Variants in DCDC1 observed in about 807,000 individuals in gnomAD.
The protein encoded by DCDC1 is doublecortin domain-containing protein 1.
A neutral mutation model predicts 178.3 loss-of-function variants in DCDC1; 200 were observed. The ratio of observed to expected loss-of-function variants is 1.12; its 90% CI spans 1.00 to 1.26. DCDC1 has a LOEUF of 1.26. Among genes scored for constraint, DCDC1 ranks in the 50% most tolerant of loss-of-function variants. DCDC1 has a pLI of 0.00. For missense variants in DCDC1, 1,983 were observed against 1,749.2 expected, an observed-to-expected ratio of 1.13 and a Z score of -2.38; for synonymous variants, 690 against 604.8, an observed-to-expected ratio of 1.14 and a Z score of -2.07.
At chr11:31,015,091 C>A (rs1327945413) in intron 20 of DCDC1, among the ~76,000 whole-genome samples, 1 of 151,898 alleles carries the variant, frequency 6.6e-6, no homozygotes. Flanking sequence ...GGACTACAGG[C>A]GCCTGCCACC....
intron 9 of DCDC1, among the ~76,000 whole-genome samples, chr11:31,144,599 G>A (rs908184442): frequency 3.3e-5 from 5 of 152,142 alleles, no homozygotes; most frequent in Non-Finnish European, 7.4e-5. Flanking sequence ...TTTTTTGACC[G>A]TTTGGTAAGT....
At chr11:31,086,712 C>T (rs1957500960) in intron 17 of DCDC1, among the ~76,000 whole-genome samples, 1 of 152,108 alleles carries the variant, frequency 6.6e-6, no homozygotes, top group South Asian at 2.1e-4. Context: ...TCATTTAGAG[C>T]TAATTATTCT....
chr11:31,113,240 C>T (rs552505051), intron 11 of DCDC1, among the ~76,000 whole-genome samples: 1 of 152,236 alleles, frequency 6.6e-6, no homozygotes, highest in South Asian at 2.1e-4. Flanking sequence ...TTTTTTACTG[C>T]ATTGTGTTTG....
chr11:31,127,429 C>G, intron 11 of DCDC1, 40 bp downstream of exon 11: 1 of 689,216 alleles, frequency 1.5e-6, no homozygotes, highest in South Asian at 1.5e-5. Flanking sequence ...AATGCTTCTG[C>G]TCTGGCTGAA....
chr11:30,941,842 C>T (rs1376477555), intron 21 of DCDC1, among the ~76,000 whole-genome samples: 1 of 152,042 alleles, frequency 6.6e-6, no homozygotes, highest in Admixed American at 6.6e-5. Context: ...CCATTAATTG[C>T]ATTTAATTAG....
chr11:30,905,253 C>T (rs1332919518), intron 30 of DCDC1, 89 bp from the exon 31 acceptor site: 13 of 1,307,868 alleles, frequency 9.9e-6, no homozygotes, highest in Admixed American at 4.6e-5. Context: ...TGTGTGTATA[C>T]GTGTGTGGTG....
intron 20 of DCDC1, among the ~76,000 whole-genome samples, chr11:30,974,487 AAAGAGAGAAG>A (rs1417554592): frequency 6.6e-6 from 1 of 152,088 alleles, no homozygotes; most frequent in Non-Finnish European, 1.5e-5. Flanking sequence ...ATCAAGAAAA[AAAGAGAGAAG>A]ACCCAAATAA....
intron 34 of DCDC1, among the ~76,000 whole-genome samples, chr11:30,898,346 C>G (rs528247961): frequency 1.3e-5 from 2 of 152,092 alleles, no homozygotes; most frequent in African/African-American, 4.8e-5. Context: ...GGAAACTGTT[C>G]CAATGGTCCC....
At chr11:31,141,113 C>G (rs1963772674) in intron 9 of DCDC1, among the ~76,000 whole-genome samples, 1 of 152,176 alleles carries the variant, frequency 6.6e-6, no homozygotes, top group Non-Finnish European at 1.5e-5. Flanking sequence ...ACGTGCATCA[C>G]TCAGACTGAT....
intron 36 of DCDC1, among the ~76,000 whole-genome samples, chr11:30,887,084 A>G (rs987187764): frequency 1.3e-5 from 2 of 152,092 alleles, no homozygotes; most frequent in African/African-American, 4.8e-5. Context: ...AAATTTAGGA[A>G]AAAAAAATTA....
At chr11:30,931,374 A>G (rs1946911759) in intron 22 of DCDC1, among the ~76,000 whole-genome samples, 1 of 152,160 alleles carries the variant, frequency 6.6e-6, no homozygotes, top group Non-Finnish European at 1.5e-5. Context: ...TATTCTAAAG[A>G]TTTAAACATA....
chr11:31,024,138 G>A (rs1412920368), intron 20 of DCDC1, among the ~76,000 whole-genome samples: 1 of 151,890 alleles, frequency 6.6e-6, no homozygotes, highest in African/African-American at 2.4e-5. Flanking sequence ...TCTATCTATA[G>A]GATAATGATT....
At chr11:31,184,958 A>C (rs1969291766) in intron 9 of DCDC1, among the ~76,000 whole-genome samples, 1 of 152,242 alleles carries the variant, frequency 6.6e-6, no homozygotes, top group Non-Finnish European at 1.5e-5. Flanking sequence ...ACACATGCAC[A>C]CATATGTTTA....
At chr11:30,970,349 T>C (rs751264926) in intron 20 of DCDC1, among the ~76,000 whole-genome samples, 6 of 152,152 alleles carry the variant, frequency 3.9e-5, no homozygotes, top group Non-Finnish European at 2.9e-5. Context: ...CATCCTGCCC[T>C]GGGGTCCAAC....
intron 2 of DCDC1, among the ~76,000 whole-genome samples, chr11:31,331,804 A>G (rs908914695): frequency 3.3e-5 from 5 of 151,484 alleles, no homozygotes; most frequent in African/African-American, 4.9e-5. Flanking sequence ...GGATTTTCGC[A>G]TCAATGTTCA....
intron 18 of DCDC1, among the ~76,000 whole-genome samples, chr11:31,075,362 T>C (rs1377889574): frequency 6.6e-6 from 1 of 152,344 alleles, no homozygotes; most frequent in East Asian, 1.9e-4. Context: ...TATGAGTGCA[T>C]GTACCTTTTT....
At chr11:30,902,081 T>C (rs1374083736) in intron 32 of DCDC1, among the ~76,000 whole-genome samples, 2 of 152,136 alleles carry the variant, frequency 1.3e-5, no homozygotes, top group East Asian at 1.9e-4. Context: ...AGTGAAAATA[T>C]AGATATATAG....
chr11:31,030,088 GAA>G (rs1220961359), intron 20 of DCDC1, among the ~76,000 whole-genome samples: 1 of 143,138 alleles, frequency 7.0e-6, no homozygotes. Context: ...GTATCGACTT[GAA>G]AAAAAAAAGA....
At chr11:30,931,253 TAA>T (rs1946905357) in intron 22 of DCDC1, among the ~76,000 whole-genome samples, 2 of 152,076 alleles carry the variant, frequency 1.3e-5, no homozygotes, top group African/African-American at 4.8e-5. Flanking sequence ...TAAGGTAAGC[TAA>T]AGTGTCAATA....
Sources: gnomAD v4.1 joint callset for allele counts (sites outside exome capture counted in the v4.1 genomes callset) on GRCh38, gnomAD v4.1.1 for gene constraint, MANE v1.5 for transcripts, NCBI Gene and HGNC (gene_info 2026-07-23, HGNC 2026-07-21) for gene names.